The following TMEM132B variants were observed in gnomAD, a reference collection of about 807,000 sequenced individuals.
TMEM132B encodes transmembrane protein 132B.
A neutral mutation model predicts 90.8 loss-of-function variants in TMEM132B; 18 were observed. The observed-to-expected ratio is 0.20, with a 90% confidence interval of 0.14 to 0.29. The LOEUF is 0.29. Ranked by LOEUF, TMEM132B falls within the 10% of genes least tolerant of loss-of-function variation. TMEM132B has a pLI of 1.00. For synonymous variants in TMEM132B, 504 were observed against 523.3 expected (o/e 0.96, Z 0.50); for missense variants, 1,096 against 1,326.8 (o/e 0.83, Z 2.70).
chr12:125,553,882 G>A (rs1884302472), intron 4 of TMEM132B, among the ~76,000 whole-genome samples: 1 of 152,078 alleles, frequency 6.6e-6, no homozygotes, highest in Non-Finnish European at 1.5e-5. Flanking sequence ...GCTTTGCATG[G>A]TAGTGTGGGG....
At chr12:125,247,097 A>C (rs528537122) in intron 1 of TMEM132B, among the ~76,000 whole-genome samples, 1 of 152,340 alleles carries the variant, frequency 6.6e-6, no homozygotes, top group East Asian at 1.9e-4. Flanking sequence ...TGACGCACTC[A>C]CTACCTATAA....
At chr12:125,405,626 T>C (rs564530576) in intron 2 of TMEM132B, among the ~76,000 whole-genome samples, 1 of 152,198 alleles carries the variant, frequency 6.6e-6, no homozygotes, top group East Asian at 1.9e-4. Flanking sequence ...AGTGGCCAGA[T>C]GGGCAGGCTC....
In TMEM132B at chr12:125,609,299, T is replaced by A. The variant is rs184040533; in HGVS notation, c.1437+25305T>A. Among the ~76,000 whole-genome samples, 248 of 152,328 alleles carry A rather than the reference T, an allele frequency of 1.6e-3. 1 individual carries two copies. Among genetic ancestry groups the A allele is most frequent in the African/African-American group, 5.6e-3 (233 of 41,586 alleles). On this transcript the variant is annotated intron_variant, in intron 5 of 8. Coordinates refer to ENST00000682704, the MANE Select transcript of TMEM132B (RefSeq NM_001366854.1). ...CATTGAATCATATGTCTATCTTATGTCAACATCACACTCTCTTGATTTAGA... is the reference window on the plus strand; with the variant it reads ...CATTGAATCATATGTCTATCTTATGACAACATCACACTCTCTTGATTTAGA...
chr12:125,377,599 A>G (rs1185110187), intron 2 of TMEM132B, among the ~76,000 whole-genome samples: 1 of 152,174 alleles, frequency 6.6e-6, no homozygotes, highest in Non-Finnish European at 1.5e-5. Context: ...AGTAGCTCAG[A>G]ACAGGGCCTG....
At chr12:125,191,772 G>C (rs11613296) in intron 1 of TMEM132B, among the ~76,000 whole-genome samples, 56,517 of 152,102 alleles carry the variant, frequency 0.37, 10,672 homozygotes, top group African/African-American at 0.39. Flanking sequence ...CTATGTTGAA[G>C]GGCAAGACTT....
At chr12:125,313,397 ACT>A (rs1876166587) in intron 1 of TMEM132B, among the ~76,000 whole-genome samples, 2 of 150,198 alleles carry the variant, frequency 1.3e-5, no homozygotes, top group African/African-American at 4.9e-5. Context: ...TTGCTCTTTA[ACT>A]CTTTTATTCC....
chr12:125,342,803 C>T (rs1469440899), intron 1 of TMEM132B, among the ~76,000 whole-genome samples: 1 of 152,166 alleles, frequency 6.6e-6, no homozygotes, highest in Non-Finnish European at 1.5e-5. Flanking sequence ...AGTGTCACTC[C>T]TGCCTGATGA....
intron 4 of TMEM132B, among the ~76,000 whole-genome samples, chr12:125,533,858 T>G (rs11058227): frequency 0.13 from 20,510 of 152,294 alleles, 1,773 homozygotes; most frequent in East Asian, 0.34. Flanking sequence ...AGCCAAAATC[T>G]TAATAGGCTT....
chr12:125,219,126 T>C (rs1873504063), intron 1 of TMEM132B, among the ~76,000 whole-genome samples: 1 of 152,228 alleles, frequency 6.6e-6, no homozygotes, highest in South Asian at 2.1e-4. Context: ...GATATATTGC[T>C]GGAGTGTTGC....
rs115329991 is a variant in TMEM132B at position 125,277,053 on chromosome 12, A to G, written c.68-72399A>G. Among the ~76,000 whole-genome samples, 1,331 of 152,298 alleles carry G rather than the reference A, an allele frequency of 8.7e-3. 26 individuals are homozygous for G. Among genetic ancestry groups the G allele is most frequent in the African/African-American group, 0.031 (1,281 of 41,556 alleles). ...TGGGTTGAATTATGTCCACCAAAAC[A>G]TATGTCCAAGTCCTAACCACTAATA... On this transcript the variant is annotated intron_variant, in intron 1 of 8. Transcript: ENST00000682704. The surrounding 1 kb of genome is among the most constrained non-coding windows in gnomAD (Gnocchi z 4.3).
In TMEM132B at chr12:125,513,643, T is replaced by C. The variant is rs1226366111; in HGVS notation, c.1107-5796T>C. Among the ~76,000 whole-genome samples the C allele has an allele frequency of 2.6e-5, 4 of 152,190 alleles. No homozygotes were observed. In the East Asian group the frequency reaches 7.7e-4, roughly 29 times the overall value. On this transcript the variant is annotated intron_variant, in intron 3 of 8. Transcript: ENST00000682704. ...AATTTTTTAGCTTAAAATAGACTTA[T>C]TCATTCAGCAAACACTTGTTGAGGA... is the stretch of plus-strand genomic sequence containing the variant.
chr12:125,493,843 C>T (rs949611531), intron 3 of TMEM132B, among the ~76,000 whole-genome samples: 21 of 151,026 alleles, frequency 1.4e-4, no homozygotes, highest in African/African-American at 5.1e-4. Flanking sequence ...CCGCATCCCT[C>T]CTCCCCGTCC....
intron 2 of TMEM132B, among the ~76,000 whole-genome samples, chr12:125,390,217 C>G (rs932607673): frequency 6.6e-6 from 1 of 152,228 alleles, no homozygotes; most frequent in Non-Finnish European, 1.5e-5. Context: ...TTTATAAAGG[C>G]CCCAAACTGG....
At chr12:125,228,728 G>C (rs1484100383) in intron 1 of TMEM132B, among the ~76,000 whole-genome samples, 1 of 152,184 alleles carries the variant, frequency 6.6e-6, no homozygotes, top group Non-Finnish European at 1.5e-5. Flanking sequence ...CCCCCTGTTG[G>C]CTGCTAGAAT....
chr12:125,573,716 A>G (rs1048635971), intron 4 of TMEM132B, among the ~76,000 whole-genome samples: 1 of 152,204 alleles, frequency 6.6e-6, no homozygotes, highest in Non-Finnish European at 1.5e-5. Flanking sequence ...TGGCATAGAA[A>G]GGGAGAGTGT....
chr12:125,352,124 G>A, intron 2 of TMEM132B, among the ~76,000 whole-genome samples: 1 of 152,312 alleles, frequency 6.6e-6, no homozygotes, highest in East Asian at 1.9e-4. Context: ...AGGTTCAAGT[G>A]CTTCTTCTTC....
At chr12:125,463,677 G>T (rs1881494421) in intron 3 of TMEM132B, among the ~76,000 whole-genome samples, 1 of 152,100 alleles carries the variant, frequency 6.6e-6, no homozygotes, top group African/African-American at 2.4e-5. Flanking sequence ...TCTCATTGCT[G>T]GGAGGAATAG....
rs1881340810 is a variant in TMEM132B, at chr12:125,458,055, G to A, written c.1106+42378G>A. Among the ~76,000 whole-genome samples the A allele has an allele frequency of 6.6e-6, 1 of 152,102 alleles. No individual in the cohort carries two copies. Among genetic ancestry groups the A allele is most frequent in the South Asian group, 2.1e-4 (1 of 4,818 alleles). ...GAGAGGTTTGAAGAAGGAGGCAGAG[G>A]GTGGTCATGAGGCAAGGTGAGTAAG... On this transcript the variant is annotated intron_variant, in intron 3 of 8. Transcript: ENST00000682704. The surrounding 1 kb of genome is among the most constrained non-coding windows in gnomAD (Gnocchi z 4.9).
chr12:125,590,000 G>A lies in TMEM132B; in HGVS notation c.1437+6006G>A, dbSNP rs1316157328. Reference sequence around the variant, plus strand: ...CATAGGTGCGGATCCCTCATGAATGGCTTAGTGCTGTCCCCTTGGTGATGA... The same window carrying A: ...CATAGGTGCGGATCCCTCATGAATGACTTAGTGCTGTCCCCTTGGTGATGA... On this transcript the variant is annotated intron_variant, in intron 5 of 8. Transcript: ENST00000682704. Among the ~76,000 whole-genome samples, 3 of 152,072 alleles carry A rather than the reference G, an allele frequency of 2.0e-5. No homozygotes were observed. In the East Asian group the frequency reaches 5.9e-4, roughly 30 times the overall value.
Sources: gnomAD v4.1 joint callset for allele counts (sites outside exome capture counted in the v4.1 genomes callset) on GRCh38, gnomAD v4.1.1 for gene constraint, Gnocchi (gnomAD v3.1) non-coding constraint, MANE v1.5 for transcripts, NCBI Gene and HGNC (gene_info 2026-07-23, HGNC 2026-07-21) for gene names.